The following FARS2 variants were observed in gnomAD, a reference collection of about 807,000 sequenced individuals.
FARS2 encodes phenylalanine--tRNA ligase, mitochondrial.
A neutral mutation model predicts 46.4 loss-of-function variants in FARS2; 40 were observed. The ratio of observed to expected loss-of-function variants is 0.86; its 90% CI spans 0.67 to 1.12. The LOEUF (loss-of-function observed/expected upper bound fraction) is 1.12. Ranked by LOEUF, FARS2 falls within the 50% of genes most tolerant of loss-of-function variation. The probability of loss-of-function intolerance (pLI) is 0.00; values close to 1 mark genes in which losing one functional copy is unlikely to be tolerated. For missense variants in FARS2, 513 were observed against 567.9 expected (o/e 0.90, Z 0.98); for synonymous variants, 234 against 214.9 (o/e 1.09, Z -0.78).
chr6:5,490,682 G>T (rs1767052520), intron 4 of FARS2, among the ~76,000 whole-genome samples: 1 of 152,138 alleles, frequency 6.6e-6, no homozygotes, highest in African/African-American at 2.4e-5. Flanking sequence ...CTTTCATCTT[G>T]GTTGGTTATT....
At chr6:5,339,552 C>T (rs1379333995) in intron 1 of FARS2, among the ~76,000 whole-genome samples, 1 of 152,068 alleles carries the variant, frequency 6.6e-6, no homozygotes, top group Non-Finnish European at 1.5e-5. Flanking sequence ...CCTCAGCTGG[C>T]AGTAGCTGGG....
intron 1 of FARS2, among the ~76,000 whole-genome samples, chr6:5,366,370 G>A (rs1198721632): frequency 1.3e-5 from 2 of 152,082 alleles, no homozygotes; most frequent in African/African-American, 4.8e-5. Context: ...TTCTTATAGA[G>A]AAATTCGATA....
At chr6:5,414,811 GTTTTTTTT>G (rs35210878) in intron 3 of FARS2, among the ~76,000 whole-genome samples, 3 of 86,680 alleles carry the variant, frequency 3.5e-5, no homozygotes, top group African/African-American at 1.4e-4. Flanking sequence ...GTATATGACT[GTTTTTTTT>G]TTTTTTTTTT....
intron 5 of FARS2, among the ~76,000 whole-genome samples, chr6:5,570,812 C>G (rs2326649): frequency 0.8 from 121,767 of 152,098 alleles, 48,836 homozygotes; most frequent in East Asian, 0.88. Context: ...GTAATCTGCA[C>G]TGTCACCACA....
At chr6:5,291,159 C>G (rs1353671325) in intron 1 of FARS2, 1 of 152,206 alleles carries the variant, frequency 6.6e-6, no homozygotes, top group Non-Finnish European at 1.5e-5. Context: ...TGTGCATTTA[C>G]CATGAAGAAC....
At chr6:5,302,109 G>A (rs757051616) in intron 1 of FARS2, among the ~76,000 whole-genome samples, 11 of 152,064 alleles carry the variant, frequency 7.2e-5, no homozygotes, top group Non-Finnish European at 1.5e-4. Flanking sequence ...CCACATATTG[G>A]AACACTTCTA....
intron 6 of FARS2, among the ~76,000 whole-genome samples, chr6:5,692,716 G>A (rs1757832385): frequency 6.6e-6 from 1 of 152,202 alleles, no homozygotes; most frequent in Non-Finnish European, 1.5e-5. Flanking sequence ...ATAGATGCTG[G>A]TGTGAAAATA....
intron 4 of FARS2, among the ~76,000 whole-genome samples, chr6:5,479,217 A>G (rs1368099378): frequency 6.6e-6 from 1 of 152,180 alleles, no homozygotes; most frequent in African/African-American, 2.4e-5. Context: ...TTTTTTAGGG[A>G]AACCCTCCTT....
intron 6 of FARS2, among the ~76,000 whole-genome samples, chr6:5,675,641 G>A (rs1195695760): frequency 6.6e-6 from 1 of 152,150 alleles, no homozygotes; most frequent in African/African-American, 2.4e-5. Context: ...GTGTCTCCAA[G>A]TTTCTGAATA....
chr6:5,524,454 C>A (rs114597177), intron 4 of FARS2, among the ~76,000 whole-genome samples: 4 of 152,200 alleles, frequency 2.6e-5, no homozygotes. Context: ...GATGTATTAA[C>A]GTAGGATATG....
intron 4 of FARS2, among the ~76,000 whole-genome samples, chr6:5,506,711 A>G (rs1768121210): frequency 6.6e-6 from 1 of 152,232 alleles, no homozygotes; most frequent in Non-Finnish European, 1.5e-5. Flanking sequence ...GAGCAGATTT[A>G]GCTAATAGAC....
intron 5 of FARS2, among the ~76,000 whole-genome samples, chr6:5,557,715 A>G (rs1384444447): frequency 2.6e-5 from 4 of 152,246 alleles, no homozygotes; most frequent in South Asian, 4.1e-4. Flanking sequence ...CCTACAATCT[A>G]TCTTCTGCTG....
chr6:5,537,084 G>A (rs138558148), intron 4 of FARS2, among the ~76,000 whole-genome samples: 213 of 152,162 alleles, frequency 1.4e-3, no homozygotes, highest in African/African-American at 5.0e-3. Context: ...TGAGCTGAAG[G>A]CATACAGGCT....
At position 5,692,857 on chromosome 6, in the gene FARS2, T is replaced by C. The variant is rs182179662; in HGVS notation, c.1218-78434T>C. Among the ~76,000 whole-genome samples, 5 of 152,248 alleles carry C rather than the reference T, an allele frequency of 3.3e-5. No individual in the cohort carries two copies. In the East Asian group the frequency reaches 7.7e-4, roughly 24 times the overall value. On this transcript the variant is annotated intron_variant, in intron 6 of 6. Transcript: ENST00000274680. Reference sequence around the variant, plus strand: ...GGTGTCAGAAAGGCCAAATCAGGGGTGCTGTCACCAAGCCCACCAAGTTGC... The same window carrying C: ...GGTGTCAGAAAGGCCAAATCAGGGGCGCTGTCACCAAGCCCACCAAGTTGC...
At chr6:5,258,549 T>TAAAG (rs1764788366), upstream of FARS2, among the ~76,000 whole-genome samples, 1 of 152,156 alleles carries the variant, frequency 6.6e-6, no homozygotes, top group Admixed American at 6.5e-5. Flanking sequence ...CTGCAGAGAT[T>TAAAG]AGAGAGGAGG....
At position 5,455,037 on chromosome 6, in the gene FARS2, G is replaced by A. The variant is rs76383251; in HGVS notation, c.904+23865G>A. The stretch of plus-strand genomic sequence containing the variant: ...AAGACTGCAAGTGCCCTGAGGACAA[G>A]GACCTTGTTGGTCATAGACTGCTGA... On this transcript the variant is annotated intron_variant, in intron 4 of 6. Coordinates refer to ENST00000274680, the MANE Select transcript of FARS2 (RefSeq NM_006567.5). Among the ~76,000 whole-genome samples, 622 of 152,290 alleles carry A rather than the reference G, an allele frequency of 4.1e-3. 8 individuals carry two copies. Among genetic ancestry groups the A allele is most frequent in the East Asian group, 0.018 (94 of 5,178 alleles).
At chr6:5,423,159 A>T in intron 3 of FARS2, among the ~76,000 whole-genome samples, 1 of 152,028 alleles carries the variant, frequency 6.6e-6, no homozygotes, top group East Asian at 1.9e-4. Context: ...AGGGATCTGA[A>T]GATAGTTTCC....
At chr6:5,689,482 G>T (rs867929171) in intron 6 of FARS2, among the ~76,000 whole-genome samples, 2 of 152,302 alleles carry the variant, frequency 1.3e-5, no homozygotes, top group Middle Eastern at 3.4e-3. Context: ...GGAGCAGGTT[G>T]TTCAGTTTCC....
At chr6:5,763,086 C>T (rs372590443) in intron 6 of FARS2, among the ~76,000 whole-genome samples, 9 of 152,296 alleles carry the variant, frequency 5.9e-5, no homozygotes, top group African/African-American at 2.2e-4. Context: ...ATCATCTGCA[C>T]GATGGCTTTC....
Sources: gnomAD v4.1 joint callset for allele counts (sites outside exome capture counted in the v4.1 genomes callset) on GRCh38, gnomAD v4.1.1 for gene constraint, MANE v1.5 for transcripts, NCBI Gene and HGNC (gene_info 2026-07-23, HGNC 2026-07-21) for gene names.